The following JAKMIP1 variants were observed in gnomAD, a reference collection of about 807,000 sequenced individuals.
JAKMIP1 encodes the protein janus kinase and microtubule interacting protein 1.
In JAKMIP1, 33 loss-of-function variants were observed where a neutral mutation model predicts 113.0. The observed-to-expected ratio is 0.29, with a 90% CI of 0.22 to 0.39. The LOEUF (loss-of-function observed/expected upper bound fraction) is 0.39, where lower values mean the gene tolerates loss of function less well. Among genes scored for constraint, JAKMIP1 ranks in the 10% least tolerant of loss-of-function variants. The pLI is 1.00. For missense variants in JAKMIP1, 813 were observed against 1,080.5 expected, an observed-to-expected ratio of 0.75 and a Z score of 3.47; for synonymous variants, 480 against 459.9, an observed-to-expected ratio of 1.04 and a Z score of -0.56.
rs1715453296 is a variant in JAKMIP1, at chr4:6,049,972, C to T, written c.1909-100G>A. 2 of 796,754 alleles carry T rather than the reference C, an allele frequency of 2.5e-6. No individual in the cohort carries two copies. Among genetic ancestry groups the T allele is most frequent in the Admixed American group, 4.9e-5 (2 of 40,506 alleles). 49.4% of individuals were successfully genotyped at this position (796,754 alleles called of 1,614,324 possible). On this transcript the variant is annotated intron_variant, in intron 14 of 20. Coordinates refer to ENST00000409021, the MANE Select transcript of JAKMIP1 (RefSeq NM_001099433.2). The surrounding 1 kb of genome is among the most constrained non-coding windows in gnomAD (Gnocchi z 7.0). ...TTTCCTCTGGACAAGACACCGCGCT[C>T]TTTCTTTTCTTTTCTGGCCAAGTTT...
chr4:6,130,176 C>T (rs1718294984), intron 1 of JAKMIP1, among the ~76,000 whole-genome samples: 1 of 152,188 alleles, frequency 6.6e-6, no homozygotes, highest in African/African-American at 2.4e-5. Context: ...AAGTGGGGGA[C>T]TCTATATAAG....
Position 6,162,739 on chromosome 4 carries a change from G to A in JAKMIP1, c.-148+37514C>T, listed in dbSNP as rs182206806. Among the ~76,000 whole-genome samples, 4 of 152,240 alleles carry A rather than the reference G, an allele frequency of 2.6e-5. No individual in the cohort carries two copies. The highest frequency in any genetic ancestry group is 2.0e-4 in the Admixed American group (3 of 15,296). On this transcript the variant is annotated intron_variant, in intron 1 of 20. Transcript: ENST00000409021. This position sits in a 1 kb window ranked among gnomAD's most constrained non-coding sequence, Gnocchi z 5.6. Reference sequence around the variant, plus strand: ...ACAGGTAATAAAACTGGCTCAGAAAGGTTAAGTGACTTGCCCAAGGTCACC... The same window carrying A: ...ACAGGTAATAAAACTGGCTCAGAAAAGTTAAGTGACTTGCCCAAGGTCACC...
intron 5 of JAKMIP1, among the ~76,000 whole-genome samples, chr4:6,083,227 A>AC (rs1266474610): frequency 2.0e-5 from 3 of 151,864 alleles, no homozygotes; most frequent in African/African-American, 7.3e-5. Flanking sequence ...ACATGGTGAA[A>AC]CCCCATCTCT....
intron 1 of JAKMIP1, among the ~76,000 whole-genome samples, chr4:6,159,663 T>C (rs771116855): frequency 6.6e-6 from 1 of 152,238 alleles, no homozygotes; most frequent in African/African-American, 2.4e-5. Flanking sequence ...TTGGCAAAAA[T>C]GTTAAAGATT....
rs1165610960 is a variant in JAKMIP1, at chr4:6,059,707, C to G, written c.1644+717G>C. Reference sequence around the variant, plus strand: ...ATCCCTGAGAGGCCCTTGGGAGAAACAGGAGTGTGAACAGAATACACCTTG... The same window carrying G: ...ATCCCTGAGAGGCCCTTGGGAGAAAGAGGAGTGTGAACAGAATACACCTTG... On this transcript the variant is annotated intron_variant, in intron 11 of 20. Transcript: ENST00000409021. This position sits in a 1 kb window ranked among gnomAD's most constrained non-coding sequence, Gnocchi z 4.8. Among the ~76,000 whole-genome samples, 1 of 152,048 alleles carries G rather than the reference C, an allele frequency of 6.6e-6. No homozygotes were observed. Among genetic ancestry groups the G allele is most frequent in the Non-Finnish European group, 1.5e-5 (1 of 68,018 alleles).
At position 6,105,593 on chromosome 4, in the gene JAKMIP1, C is replaced by A. The variant is rs1309878192; in HGVS notation, c.504G>T (p.Ala168=). 1 of 1,597,476 alleles carries A rather than the reference C, an allele frequency of 6.3e-7. No individual in the cohort carries two copies. Among genetic ancestry groups the A allele is most frequent in the Non-Finnish European group, 8.5e-7 (1 of 1,172,236 alleles). ...TGTCAGCCTGCATGCAGTTACTGAGCGCCTCCTCTGCCTGCTTGCGCGCTG... is the reference window on the plus strand; with the variant it reads ...TGTCAGCCTGCATGCAGTTACTGAGAGCCTCCTCTGCCTGCTTGCGCGCTG... ...LKAARKQAEE[A]LSNCMQADKT... The change falls in exon 3 of 21, where the codon GCG becomes GCT. Residue 168 remains alanine (A), a synonymous_variant. Transcript: ENST00000409021.
rs1393902766 is a variant in JAKMIP1, at chr4:6,088,780, G to C, written c.625-3151C>G. Among the ~76,000 whole-genome samples the C allele has an allele frequency of 6.6e-6, 1 of 152,118 alleles. No individual in the cohort carries two copies. Among genetic ancestry groups the C allele is most frequent in the Non-Finnish European group, 1.5e-5 (1 of 68,026 alleles). Reference sequence around the variant, plus strand: ...AGTGATCCTATCTCGCTGCCCTTGGGATGCTGATGAAATCTCAAGCTTCCT... The same window carrying C: ...AGTGATCCTATCTCGCTGCCCTTGGCATGCTGATGAAATCTCAAGCTTCCT... On this transcript the variant is annotated intron_variant, in intron 3 of 20. Transcript: ENST00000409021. The surrounding 1 kb of genome is among the most constrained non-coding windows in gnomAD (Gnocchi z 5.5).
chr4:6,052,405 G>A (rs1170998262), intron 13 of JAKMIP1, among the ~76,000 whole-genome samples: 1 of 152,052 alleles, frequency 6.6e-6, no homozygotes, highest in Non-Finnish European at 1.5e-5. Flanking sequence ...CCAGCACTTT[G>A]GGAGGCTGAG....
intron 3 of JAKMIP1, among the ~76,000 whole-genome samples, chr4:6,104,427 T>C (rs1713573806): frequency 6.6e-6 from 1 of 152,260 alleles, no homozygotes; most frequent in Non-Finnish European, 1.5e-5. Context: ...AGAACTGTCC[T>C]TTTGTGTCTT....
At chr4:6,048,766 C>G (rs1715300315) in intron 16 of JAKMIP1, 91 bp downstream of exon 16, 8 of 1,078,264 alleles carry the variant, frequency 7.4e-6, no homozygotes, top group Non-Finnish European at 8.5e-6. Flanking sequence ...ACGCATGCTC[C>G]CACGCAAAGC....
rs1281694909 is a variant in JAKMIP1, at chr4:6,180,804, G to A, written c.-148+19449C>T. 6.6e-6 allele frequency among the ~76,000 whole-genome samples: 1 copy of A among 152,036 alleles called. No individual in the cohort carries two copies. Among genetic ancestry groups the A allele is most frequent in the Non-Finnish European group, 1.5e-5 (1 of 68,002 alleles). On this transcript the variant is annotated intron_variant, in intron 1 of 20. Transcript: ENST00000409021. The surrounding 1 kb of genome is among the most constrained non-coding windows in gnomAD (Gnocchi z 4.5). The stretch of plus-strand genomic sequence containing the variant: ...CTGTCAACGTGCTTTGTTCTCAGAG[G>A]GCCATGGCACATTGAGCAGGGAGGA...
Position 6,105,517 on chromosome 4 carries a change from C to T in JAKMIP1, c.580G>A (p.Val194Met), listed in dbSNP as rs1578247096. 2.5e-6 allele frequency: 4 copies of T among 1,609,692 alleles called. No homozygotes were observed. The South Asian group carries it at 4.4e-5, about 18-fold the overall frequency. ...TCGCACTCGCGCTTGATGCGGTGCA[C>T]CTCGTCTTGGTGCGCCTGGTAGGCG... ...RAAYQAHQDE[V>M]HRIKRECERD... The change falls in exon 3 of 21, where the codon GTG becomes ATG. Residue 194 changes from valine to methionine, a missense_variant. Val to Met is a conservative substitution (Grantham distance 21). Coordinates refer to ENST00000409021, the MANE Select transcript of JAKMIP1 (RefSeq NM_001099433.2).
intron 1 of JAKMIP1, among the ~76,000 whole-genome samples, chr4:6,131,729 A>C (rs1364562938): frequency 6.6e-6 from 1 of 152,184 alleles, no homozygotes; most frequent in Non-Finnish European, 1.5e-5. Context: ...GATTCTGTCT[A>C]AACCAAAAAT....
At position 6,049,545 on chromosome 4, in the gene JAKMIP1, G is replaced by A. The variant is rs570948919; in HGVS notation, c.1962+274C>T. On this transcript the variant is annotated intron_variant, in intron 15 of 20. Coordinates refer to ENST00000409021, the MANE Select transcript of JAKMIP1 (RefSeq NM_001099433.2). This position sits in a 1 kb window ranked among gnomAD's most constrained non-coding sequence, Gnocchi z 7.0. The stretch of plus-strand genomic sequence containing the variant: ...ATCCCTTTCTGATTTCAGCAATCTC[G>A]TGTGACTCCACCTGCATTCTGGGTA... Among the ~76,000 whole-genome samples, 12 of 151,840 alleles carry A rather than the reference G, an allele frequency of 7.9e-5. No individual in the cohort carries two copies. The highest frequency in any genetic ancestry group is 1.5e-4 in the African/African-American group (6 of 41,290).
intron 16 of JAKMIP1, among the ~76,000 whole-genome samples, chr4:6,045,363 C>A (rs541217972): frequency 1.3e-5 from 2 of 152,170 alleles, no homozygotes; most frequent in African/African-American, 4.8e-5. Flanking sequence ...TGCCATGTGC[C>A]GAGGTGAGTG....
rs78099281 is a variant in JAKMIP1 at position 6,165,725 on chromosome 4, G to C, written c.-148+34528C>G. 2.0e-5 allele frequency among the ~76,000 whole-genome samples: 3 copies of C among 152,214 alleles called. No homozygotes were observed. The East Asian group carries it at 5.8e-4, about 29-fold the overall frequency. ...GGCACTGGGAAATCAAAAAATTCAT[G>C]TGACTCGCTTTATTGCAATATTTGC... On this transcript the variant is annotated intron_variant, in intron 1 of 20. Coordinates refer to ENST00000409021, the MANE Select transcript of JAKMIP1 (RefSeq NM_001099433.2).
rs1719606146 is a variant in JAKMIP1 at position 6,138,574 on chromosome 4, C to T, written c.-147-25577G>A. Among the ~76,000 whole-genome samples the T allele has an allele frequency of 1.3e-5, 2 of 152,092 alleles. No homozygotes were observed. Among genetic ancestry groups the T allele is most frequent in the Non-Finnish European group, 2.9e-5 (2 of 68,030 alleles). On this transcript the variant is annotated intron_variant, in intron 1 of 20. Transcript: ENST00000409021. The surrounding 1 kb of genome is among the most constrained non-coding windows in gnomAD (Gnocchi z 6.0). ...TAAAATTAAAGAGGGACACACAAAA[C>T]CATTTTAAACACAGAAGCAGAAAAC...
chr4:6,082,750 C>T (rs556497334), intron 5 of JAKMIP1, among the ~76,000 whole-genome samples: 92 of 152,248 alleles, frequency 6.0e-4, no homozygotes, highest in African/African-American at 2.1e-3. Context: ...AATCTTCCCA[C>T]GTTGGCTTCC....
At chr4:6,173,533 T>A (rs1281263989) in intron 1 of JAKMIP1, among the ~76,000 whole-genome samples, 1 of 152,160 alleles carries the variant, frequency 6.6e-6, no homozygotes, top group Non-Finnish European at 1.5e-5. Context: ...AGGAACACCT[T>A]TTTAAAAATG....
Sources: gnomAD v4.1 joint callset for allele counts (sites outside exome capture counted in the v4.1 genomes callset) on GRCh38, gnomAD v4.1.1 for gene constraint, Gnocchi (gnomAD v3.1) non-coding constraint, MANE v1.5 for transcripts, NCBI Gene and HGNC (gene_info 2026-07-23, HGNC 2026-07-21) for gene names.